RBFOX3: variants seen among roughly 807,000 people sequenced by gnomAD.
RBFOX3 encodes the protein RNA binding protein fox-1 homolog 3.
RBFOX3 carries 17 observed loss-of-function variants against 48.7 expected under a neutral mutation model. The observed-to-expected ratio is 0.35, with a 90% CI of 0.24 to 0.52. The LOEUF (loss-of-function observed/expected upper bound fraction) is 0.52, where lower values mean the gene tolerates loss of function less well. Among genes scored for constraint, RBFOX3 ranks in the 20% least tolerant of loss-of-function variants. The pLI is 0.94. For synonymous variants in RBFOX3, 212 were observed against 209.5 expected (o/e 1.01, Z -0.10); for missense variants, 382 against 497.5 (o/e 0.77, Z 2.21).
At chr17:79,101,280 T>TC (rs1311782719) in intron 9 of RBFOX3, among the ~76,000 whole-genome samples, 1 of 152,094 alleles carries the variant, frequency 6.6e-6, no homozygotes, top group African/African-American at 2.4e-5. Flanking sequence ...GGCACAGCTA[T>TC]CCCCCTGGAT....
At chr17:79,646,720 C>G in the RBFOX3 span, among the ~76,000 whole-genome samples, 1 of 152,080 alleles carries the variant, frequency 6.6e-6, no homozygotes, top group Non-Finnish European at 1.5e-5. Flanking sequence ...TCACAAAGAC[C>G]AAACCTGACC....
intron 3 of RBFOX3, among the ~76,000 whole-genome samples, chr17:79,253,952 T>C (rs1341067553): frequency 6.6e-6 from 1 of 152,190 alleles, no homozygotes; most frequent in Non-Finnish European, 1.5e-5. Flanking sequence ...GAAGAGCCCA[T>C]GTCTGGGTCC....
intron 4 of RBFOX3, among the ~76,000 whole-genome samples, chr17:79,231,592 A>G (rs1567884529): frequency 6.6e-6 from 1 of 152,234 alleles, no homozygotes; most frequent in Non-Finnish European, 1.5e-5. Flanking sequence ...AAATAGATTT[A>G]GCAAGGCTGC....
At chr17:79,469,606 A>G (rs1203042102) in intron 2 of RBFOX3, among the ~76,000 whole-genome samples, 1 of 152,066 alleles carries the variant, frequency 6.6e-6, no homozygotes, top group Non-Finnish European at 1.5e-5. Flanking sequence ...AGGTGCCACA[A>G]TGAGCCTGCC....
intron 1 of RBFOX3, among the ~76,000 whole-genome samples, chr17:79,525,315 C>T (rs1167927121): frequency 6.6e-6 from 1 of 152,110 alleles, no homozygotes; most frequent in African/African-American, 2.4e-5. Flanking sequence ...AGTTGACAAC[C>T]CTGCCATAAA....
intron 2 of RBFOX3, among the ~76,000 whole-genome samples, chr17:79,309,978 A>G (rs1385380093): frequency 1.3e-5 from 2 of 152,128 alleles, no homozygotes; most frequent in East Asian, 3.9e-4. Context: ...TAGTGCCATC[A>G]TTGTCTTCAT....
intron 2 of RBFOX3, among the ~76,000 whole-genome samples, chr17:79,414,576 T>G (rs549157458): frequency 6.6e-6 from 1 of 152,330 alleles, no homozygotes; most frequent in African/African-American, 2.4e-5. Context: ...TAAGCCTGTG[T>G]CTGACTGTCC....
At chr17:79,263,126 C>T (rs1231675088) in intron 3 of RBFOX3, among the ~76,000 whole-genome samples, 1 of 152,232 alleles carries the variant, frequency 6.6e-6, no homozygotes, top group Non-Finnish European at 1.5e-5. Flanking sequence ...GTCCCAGGGC[C>T]CCGCGAAGCC....
At chr17:79,617,429 C>T in the RBFOX3 span, among the ~76,000 whole-genome samples, 5 of 152,122 alleles carry the variant, frequency 3.3e-5, no homozygotes, top group Non-Finnish European at 1.5e-5. Flanking sequence ...CACGGACACC[C>T]CAGGGAAATG....
intron 3 of RBFOX3, among the ~76,000 whole-genome samples, chr17:79,284,488 G>T (rs2071373703): frequency 6.6e-6 from 1 of 151,646 alleles, no homozygotes; most frequent in Admixed American, 6.6e-5. Context: ...GGGAGCTGAA[G>T]GCTCAGAGCA....
At chr17:79,207,547 G>T (rs1408612454) in intron 4 of RBFOX3, among the ~76,000 whole-genome samples, 2 of 152,358 alleles carry the variant, frequency 1.3e-5, no homozygotes, top group Non-Finnish European at 2.9e-5. Flanking sequence ...CCAGGCTCGG[G>T]CTGGGTCCCT....
At chr17:79,158,409 G>T (rs1375600192) in intron 4 of RBFOX3, among the ~76,000 whole-genome samples, 1 of 152,220 alleles carries the variant, frequency 6.6e-6, no homozygotes, top group Non-Finnish European at 1.5e-5. Context: ...GGGCTGTGGT[G>T]AGCCGGTTAA....
At chr17:79,397,933 C>T (rs895604262) in intron 2 of RBFOX3, among the ~76,000 whole-genome samples, 6 of 152,234 alleles carry the variant, frequency 3.9e-5, no homozygotes, top group African/African-American at 1.4e-4. Flanking sequence ...CGTGAGACGC[C>T]GTCACGAATC....
chr17:79,193,133 G>A (rs2146536887), intron 4 of RBFOX3, among the ~76,000 whole-genome samples: 1 of 152,322 alleles, frequency 6.6e-6, no homozygotes, highest in East Asian at 1.9e-4. Context: ...GTGGGGGCAG[G>A]GGCAGGCATG....
intron 4 of RBFOX3, among the ~76,000 whole-genome samples, chr17:79,126,542 G>A (rs969957084): frequency 6.6e-6 from 1 of 152,040 alleles, no homozygotes; most frequent in Middle Eastern, 3.2e-3. Context: ...TCATTACTCT[G>A]ACCTCCCCTG....
At position 79,204,557 on chromosome 17, in the gene RBFOX3, C is replaced by T. The variant is rs1352453046; in HGVS notation, c.-34+31209G>A. ...TTGGTGGAGTATTAAAGAAGGGGTC[C>T]GAAGGCCCCAGATGCTGTGAACAGA... On this transcript the variant is annotated intron_variant, in intron 4 of 14. Coordinates refer to ENST00000693108, the MANE Select transcript of RBFOX3 (RefSeq NM_001350451.2). This position sits in a 1 kb window ranked among gnomAD's most constrained non-coding sequence, Gnocchi z 4.5. Among the ~76,000 whole-genome samples the T allele has an allele frequency of 3.3e-5, 5 of 152,102 alleles. No individual in the cohort carries two copies. The highest frequency in any genetic ancestry group is 7.4e-5 in the Non-Finnish European group (5 of 68,010).
chr17:79,424,278 C>T (rs376495182), intron 2 of RBFOX3, among the ~76,000 whole-genome samples: 5 of 152,324 alleles, frequency 3.3e-5, no homozygotes, highest in East Asian at 1.9e-4. Flanking sequence ...CCGGGCCTCC[C>T]GCCCGTCCCA....
At chr17:79,375,126 T>C (rs781151448) in intron 2 of RBFOX3, among the ~76,000 whole-genome samples, 1 of 152,144 alleles carries the variant, frequency 6.6e-6, no homozygotes, top group Non-Finnish European at 1.5e-5. Context: ...TAATGTGACA[T>C]CCCCGGGAGC....
intron 4 of RBFOX3, among the ~76,000 whole-genome samples, chr17:79,206,920 C>T (rs2057582185): frequency 6.6e-6 from 1 of 152,192 alleles, no homozygotes; most frequent in African/African-American, 2.4e-5. Flanking sequence ...TTTCTTCCTC[C>T]CCATTTCACT....
Sources: gnomAD v4.1 joint callset for allele counts (sites outside exome capture counted in the v4.1 genomes callset) on GRCh38, gnomAD v4.1.1 for gene constraint, Gnocchi (gnomAD v3.1) non-coding constraint, MANE v1.5 for transcripts, NCBI Gene and HGNC (gene_info 2026-07-23, HGNC 2026-07-21) for gene names.